CDYL: variants seen among roughly 807,000 people sequenced by gnomAD.
The protein encoded by CDYL is chromodomain Y-like protein.
A neutral mutation model predicts 47.3 loss-of-function variants in CDYL; 8 were observed. That is an observed-to-expected ratio of 0.17 (90% confidence interval 0.10 to 0.31). The LOEUF (loss-of-function observed/expected upper bound fraction) is 0.31, where lower values mean the gene tolerates loss of function less well. Ranked by LOEUF, CDYL falls within the 10% of genes least tolerant of loss-of-function variation. The probability of loss-of-function intolerance (pLI) is 1.00; values close to 1 mark genes in which losing one functional copy is unlikely to be tolerated. For missense variants in CDYL, 471 were observed against 701.4 expected (o/e 0.67, Z 3.71); for synonymous variants, 266 against 265.0 (o/e 1.00, Z -0.04).
intron 6 of CDYL, among the ~76,000 whole-genome samples, chr6:4,953,463 G>A (rs1758770278): frequency 6.6e-6 from 1 of 151,978 alleles, no homozygotes; most frequent in Non-Finnish European, 1.5e-5. Flanking sequence ...GATGTGAAAT[G>A]TATAATATTA....
intron 1 of CDYL, among the ~76,000 whole-genome samples, chr6:4,871,837 AG>A (rs1294430003): frequency 1.3e-5 from 2 of 152,224 alleles, no homozygotes; most frequent in Non-Finnish European, 2.9e-5. Flanking sequence ...TTACGGCTCT[AG>A]GAACCTAAGT....
At chr6:4,902,863 C>T (rs979113964) in intron 2 of CDYL, among the ~76,000 whole-genome samples, 15 of 152,094 alleles carry the variant, frequency 9.9e-5, no homozygotes, top group Middle Eastern at 3.2e-3. Context: ...AAAATAAAAT[C>T]GGATGTTTTT....
intron 1 of CDYL, among the ~76,000 whole-genome samples, chr6:4,816,681 G>C (rs144133226): frequency 6.6e-6 from 1 of 151,578 alleles, no homozygotes; most frequent in Non-Finnish European, 1.5e-5. Context: ...TAGAGACGGG[G>C]TTTTGCGATG....
Position 4,917,547 on chromosome 6 carries a change from G to A in CDYL, c.692-17968G>A, listed in dbSNP as rs1757592366. On this transcript the variant is annotated intron_variant, in intron 2 of 6. Transcript: ENST00000397588. ...CAGTTGAGACACAGTTAAAATTAAT[G>A]TAAATGTTACTCAAGTTTAAACTGT... 1.3e-5 allele frequency among the ~76,000 whole-genome samples: 2 copies of A among 152,170 alleles called. 1 individual carries two copies. The highest frequency in any genetic ancestry group is 4.1e-4 in the South Asian group (2 of 4,820).
intron 3 of CDYL, among the ~76,000 whole-genome samples, chr6:4,762,585 A>G (rs1758191197): frequency 6.6e-6 from 1 of 151,128 alleles, no homozygotes; most frequent in Non-Finnish European, 1.5e-5. Context: ...ATTTCAACCA[A>G]GAACAACAAC....
At chr6:4,808,214 C>T (rs1039599085) in intron 1 of CDYL, among the ~76,000 whole-genome samples, 9 of 152,156 alleles carry the variant, frequency 5.9e-5, no homozygotes, top group Non-Finnish European at 1.2e-4. Context: ...CGTTGCCTCT[C>T]GAACCTCTAG....
intron 2 of CDYL, among the ~76,000 whole-genome samples, chr6:4,927,595 T>TAGTAGAAACAGGGTTTCTACTAAAC (rs1158979084): frequency 7.9e-5 from 12 of 152,262 alleles, no homozygotes; most frequent in Admixed American, 7.8e-4. Context: ...TTTGCATTTT[T>TAGTAGAAACAGGGTTTCTACTAAAC]AGTAGAAACA....
At chr6:4,876,880 C>A (rs935592136) in intron 1 of CDYL, among the ~76,000 whole-genome samples, 1 of 152,170 alleles carries the variant, frequency 6.6e-6, no homozygotes, top group Non-Finnish European at 1.5e-5. Context: ...AAATTCATAT[C>A]TTGACACTTG....
intron 1 of CDYL, among the ~76,000 whole-genome samples, chr6:4,713,328 G>T (rs1250166435): frequency 6.6e-6 from 1 of 152,012 alleles, no homozygotes; most frequent in Non-Finnish European, 1.5e-5. Context: ...GGCGGGAGGA[G>T]GATCCTGGAG....
rs575582024 is a variant in CDYL, at chr6:4,810,196, G to A, written c.24+33389G>A. Among the ~76,000 whole-genome samples the A allele has an allele frequency of 4.6e-5, 7 of 152,280 alleles. No homozygotes were observed. In the South Asian group the frequency reaches 1.5e-3, roughly 32 times the overall value. On this transcript the variant is annotated intron_variant, in intron 1 of 6. Coordinates refer to ENST00000397588, the MANE Select transcript of CDYL (RefSeq NM_004824.4). ...ACATAATGCATAGTTGTCTAAGTGT[G>A]TGATGGGTTACCCTTTGCCTTTTGT...
intron 2 of CDYL, among the ~76,000 whole-genome samples, chr6:4,918,552 G>A (rs1487281137): frequency 2.0e-5 from 3 of 152,146 alleles, no homozygotes; most frequent in Non-Finnish European, 4.4e-5. Flanking sequence ...TAGAATGATA[G>A]GATTGATATT....
At chr6:4,877,705 A>C (rs529657976) in intron 1 of CDYL, among the ~76,000 whole-genome samples, 1 of 152,338 alleles carries the variant, frequency 6.6e-6, no homozygotes, top group African/African-American at 2.4e-5. Flanking sequence ...TTACACAGGT[A>C]CTGCTTTTCC....
In CDYL at chr6:4,932,678, T is replaced by TCTG. The variant is rs527303282; in HGVS notation, c.692-2837_692-2836insCTG. On this transcript the variant is annotated intron_variant, in intron 2 of 6. Transcript: ENST00000397588. Reference sequence around the variant, plus strand: ...GTGTAGTCTGAAGGAACCCCCTTCTTAGAATGCCCAGAGTCTCCACGTCTG... The same window carrying TCTG: ...GTGTAGTCTGAAGGAACCCCCTTCTTCTGAGAATGCCCAGAGTCTCCACGTCTG... Among the ~76,000 whole-genome samples, 432 of 152,298 alleles carry TCTG rather than the reference T, an allele frequency of 2.8e-3. 2 individuals are homozygous for TCTG. Among genetic ancestry groups the TCTG allele is most frequent in the African/African-American group, 7.7e-3 (321 of 41,562 alleles).
At chr6:4,874,882 G>A (rs755131834) in intron 1 of CDYL, among the ~76,000 whole-genome samples, 9 of 152,108 alleles carry the variant, frequency 5.9e-5, no homozygotes, top group East Asian at 1.9e-4. Context: ...CTGTGTTGTC[G>A]TGGGATGGTG....
chr6:4,829,186 T>C (rs1268215725), intron 1 of CDYL, among the ~76,000 whole-genome samples: 1 of 152,218 alleles, frequency 6.6e-6, no homozygotes, highest in East Asian at 1.9e-4. Flanking sequence ...ACATTTGACA[T>C]TATAATGTAA....
chr6:4,891,987 T>A lies in CDYL; in HGVS notation c.299T>A (p.Val100Glu), dbSNP rs1561690034. ...TCTAAGACCTCTCCTAAGGCACTCGTGATTGGGAAAGACCACGAATCCAAA... is the reference window on the plus strand; with the variant it reads ...TCTAAGACCTCTCCTAAGGCACTCGAGATTGGGAAAGACCACGAATCCAAA... The part of the protein sequence containing the change: ...NFSKTSPKAL[V>E]IGKDHESKNS... The change falls in exon 2 of 7, where the codon GTG becomes GAG. Residue 100 changes from valine to glutamate, a missense_variant. Val to Glu is a moderately radical substitution (Grantham distance 121). Around this residue, in one of 3 missense-constraint regions of CDYL, gnomAD observed 311 missense variants for 350.0 expected, o/e 0.89. Transcript: ENST00000397588. The A allele has an allele frequency of 6.2e-7, 1 of 1,614,174 alleles. No homozygotes were observed. Among genetic ancestry groups the A allele is most frequent in the African/African-American group, 1.3e-5 (1 of 75,036 alleles).
chr6:4,734,690 T>A (rs1582294000), intron 2 of CDYL: 6 of 1,584,712 alleles, frequency 3.8e-6, no homozygotes, highest in Non-Finnish European at 5.2e-6. Flanking sequence ...GGGATGGGGA[T>A]GGAGGGAAGA....
At chr6:4,797,896 T>C (rs1364776458) in intron 1 of CDYL, among the ~76,000 whole-genome samples, 1 of 152,188 alleles carries the variant, frequency 6.6e-6, no homozygotes, top group East Asian at 1.9e-4. Flanking sequence ...CATGTAGAAG[T>C]TTTAGTATGA....
intron 3 of CDYL, among the ~76,000 whole-genome samples, chr6:4,760,463 T>C (rs1758157531): frequency 6.6e-6 from 1 of 152,046 alleles, no homozygotes; most frequent in South Asian, 2.1e-4. Context: ...TGAGAGTTGA[T>C]GGGCTTTGTG....
Sources: allele counts gnomAD v4.1 joint callset (sites outside exome capture counted in the v4.1 genomes callset), GRCh38; gene constraint gnomAD v4.1.1; regional missense constraint gnomAD v4.1.1; transcripts MANE v1.5; gene names NCBI Gene and HGNC (gene_info 2026-07-23, HGNC 2026-07-21).